PSMB2: variants seen among roughly 807,000 people sequenced by gnomAD.
The protein encoded by PSMB2 is proteasome subunit beta type-2.
In PSMB2, 13 loss-of-function variants were observed where a neutral mutation model predicts 25.7. That is an observed-to-expected ratio of 0.51 (90% CI 0.33 to 0.80). The LOEUF is 0.80. Among genes scored for constraint, PSMB2 ranks in the 30% least tolerant of loss-of-function variants. PSMB2 has a pLI of 0.02. For synonymous variants in PSMB2, 87 were observed against 96.2 expected (o/e 0.90, Z 0.56); for missense variants, 202 against 259.0 (o/e 0.78, Z 1.51).
intron 3 of PSMB2, among the ~76,000 whole-genome samples, chr1:35,627,243 A>G: frequency 7.4e-6 from 1 of 135,438 alleles, no homozygotes; most frequent in Non-Finnish European, 1.5e-5. Context: ...TAGGTGACAG[A>G]GCGAGACCCT....
chr1:35,626,899 AT>A (rs896884857), intron 3 of PSMB2, among the ~76,000 whole-genome samples: 22 of 148,738 alleles, frequency 1.5e-4, no homozygotes, highest in African/African-American at 3.7e-4. Context: ...GAGGAACAGA[AT>A]TTTTTTTTTT....
In PSMB2 at chr1:35,600,101, C is replaced by T; in HGVS notation, c.*3166G>A. On this transcript the variant is annotated 3_prime_UTR_variant, in exon 6 of 6. Coordinates refer to ENST00000373237, the MANE Select transcript of PSMB2 (RefSeq NM_002794.5). ...CTTACTGCAGTAAGCTACGATCGTG[C>T]CACTGTACTCCAGCCTAGGTGATGG... 1 of 877,178 alleles carries T rather than the reference C, an allele frequency of 1.1e-6. No homozygotes were observed. Among genetic ancestry groups the T allele is most frequent in the Non-Finnish European group, 1.4e-6 (1 of 731,634 alleles). 54.3% of individuals were successfully genotyped at this position (877,178 alleles called of 1,614,324 possible). A position where few individuals can be genotyped will look rare whatever the true frequency, so the allele number is the denominator to read the frequency against.
chr1:35,639,205 G>T (rs779897010), intron 1 of PSMB2, among the ~76,000 whole-genome samples: 1 of 152,174 alleles, frequency 6.6e-6, no homozygotes, highest in Non-Finnish European at 1.5e-5. Context: ...AGTGAGCCGA[G>T]ATCGCGCCAT....
chr1:35,628,578 GAAAAAAAAAAAA>G (rs67766222), intron 3 of PSMB2, among the ~76,000 whole-genome samples: 1 of 32,942 alleles, frequency 3.0e-5, no homozygotes, highest in Non-Finnish European at 5.2e-5. Context: ...TTTCTTGGAA[GAAAAAAAAAAAA>G]AAAAAAATAT....
intron 5 of PSMB2, among the ~76,000 whole-genome samples, chr1:35,603,686 G>A (rs2148560601): frequency 6.6e-6 from 1 of 152,274 alleles, no homozygotes; most frequent in East Asian, 1.9e-4. Flanking sequence ...TTACCCATCA[G>A]TCTGGTAAAC....
Position 35,609,313 on chromosome 1 carries a change from G to T in PSMB2, c.381C>A (p.Ala127=). The change falls in exon 4 of 6, where the codon GCC becomes GCA. Residue 127 remains alanine, a synonymous_variant. Coordinates refer to ENST00000373237, the MANE Select transcript of PSMB2 (RefSeq NM_002794.5). Reference sequence around the variant, plus strand: ...CACCATAGCCGTGGGCTGCAAAAGGGGCCTTGGCCAAGGCTGCCAGGTAGT... The same window carrying T: ...CACCATAGCCGTGGGCTGCAAAAGGTGCCTTGGCCAAGGCTGCCAGGTAGT... ...YMDYLAALAK[A]PFAAHGYGAF... 1 of 1,613,402 alleles carries T rather than the reference G, an allele frequency of 6.2e-7. No individual in the cohort carries two copies. The highest frequency in any genetic ancestry group is 8.5e-7 in the Non-Finnish European group (1 of 1,179,648).
intron 1 of PSMB2, among the ~76,000 whole-genome samples, chr1:35,640,981 G>A (rs764474433): frequency 2.0e-5 from 3 of 152,040 alleles, no homozygotes; most frequent in Non-Finnish European, 4.4e-5. Flanking sequence ...TCCTGAGGTC[G>A]GGAGTTCGAG....
At chr1:35,628,594 AAAATATATATATATATATAT>A (rs1319216391) in intron 3 of PSMB2, among the ~76,000 whole-genome samples, 6 of 12,522 alleles carry the variant, frequency 4.8e-4, no homozygotes, top group East Asian at 9.7e-3. Context: ...AAAAAAAAAA[AAAATATATATATATATATAT>A]ATATATATAT....
chr1:35,609,128 CT>C (rs985902862), intron 4 of PSMB2, 117 bp downstream of exon 4: 1 of 1,012,408 alleles, frequency 9.9e-7, no homozygotes, highest in Non-Finnish European at 1.3e-6. Context: ...CCTGGTTATG[CT>C]TCTTAGGATC....
rs946433845 is a variant in PSMB2 at position 35,641,520 on chromosome 1, G to A, written c.-88C>T. On this transcript the variant is annotated 5_prime_UTR_variant, in exon 1 of 6. Transcript: ENST00000373237. ...CACCGGTGAGACAGCACCTCAGAGC[G>A]AAGATTGGCGCGACGCCTGCAGCAC... 8.9e-6 allele frequency: 14 copies of A among 1,576,406 alleles called. No individual in the cohort carries two copies. Among genetic ancestry groups the A allele is most frequent in the African/African-American group, 2.7e-5 (2 of 73,912 alleles).
intron 3 of PSMB2, among the ~76,000 whole-genome samples, chr1:35,623,000 T>G (rs1260531168): frequency 6.6e-6 from 1 of 152,194 alleles, no homozygotes; most frequent in African/African-American, 2.4e-5. Flanking sequence ...AAAGGGCAGC[T>G]GTCAGAATGC....
At chr1:35,605,082 A>T in intron 5 of PSMB2, 151 bp downstream of exon 5, 1 of 678,876 alleles carries the variant, frequency 1.5e-6, no homozygotes, top group Non-Finnish European at 2.6e-6. Context: ...TCCACACCAA[A>T]CTCTATCCCT....
chr1:35,611,552 G>A (rs1469133050), intron 3 of PSMB2, among the ~76,000 whole-genome samples: 1 of 152,024 alleles, frequency 6.6e-6, no homozygotes, highest in Admixed American at 6.6e-5. Context: ...GGCCGGGCAC[G>A]GTGGCTCATG....
intron 2 of PSMB2, among the ~76,000 whole-genome samples, chr1:35,633,570 C>G (rs1651161885): frequency 6.6e-6 from 1 of 152,212 alleles, no homozygotes; most frequent in South Asian, 2.1e-4. Flanking sequence ...ACTCTTCTCC[C>G]TCTCTCAGGA....
At position 35,636,986 on chromosome 1, in the gene PSMB2, G is replaced by A. The variant is rs115853941; in HGVS notation, c.92-554C>T. Among the ~76,000 whole-genome samples the A allele has an allele frequency of 7.1e-3, 1,077 of 152,080 alleles. 6 individuals carry two copies. Among genetic ancestry groups the A allele is most frequent in the Non-Finnish European group, 0.011 (760 of 67,980 alleles). On this transcript the variant is annotated intron_variant, in intron 1 of 5. Transcript: ENST00000373237. ...CAGCATATTGTGTAATGCCAATTTC[G>A]GTTGGAGAATATACATGAAAGCTAC...
chr1:35,629,134 T>TA (rs1651008856), intron 3 of PSMB2, among the ~76,000 whole-genome samples: 1 of 152,340 alleles, frequency 6.6e-6, no homozygotes, highest in East Asian at 1.9e-4. Context: ...TAGATTAAAT[T>TA]ATTAAGCAAA....
intron 1 of PSMB2, among the ~76,000 whole-genome samples, chr1:35,640,271 G>A (rs924442050): frequency 7.2e-5 from 11 of 152,030 alleles, no homozygotes. Context: ...GGGCACCTAC[G>A]TACACTTAGT....
At chr1:35,628,596 A>ATAT (rs1553125166) in intron 3 of PSMB2, among the ~76,000 whole-genome samples, 10 of 25,102 alleles carry the variant, frequency 4.0e-4, no homozygotes, top group African/African-American at 4.5e-4. Context: ...AAAAAAAAAA[A>ATAT]ATATATATAT....
At position 35,601,455 on chromosome 1, in the gene PSMB2, T is replaced by C. The variant is rs367904651; in HGVS notation, c.*1812A>G. 1.0e-5 allele frequency: 10 copies of C among 985,296 alleles called. No homozygotes were observed. Among genetic ancestry groups the C allele is most frequent in the African/African-American group, 5.2e-5 (3 of 57,226 alleles). 61.0% of individuals were successfully genotyped at this position (985,296 alleles called of 1,614,324 possible). ...AAACCTATGCATATTCATGGTGGTG[T>C]TGGAGGTTGAATCAACTGTAGTGAC... On this transcript the variant is annotated 3_prime_UTR_variant, in exon 6 of 6. Coordinates refer to ENST00000373237, the MANE Select transcript of PSMB2 (RefSeq NM_002794.5).
Sources: gnomAD v4.1 joint callset for allele counts (sites outside exome capture counted in the v4.1 genomes callset) on GRCh38, gnomAD v4.1.1 for gene constraint, MANE v1.5 for transcripts, NCBI Gene and HGNC (gene_info 2026-07-23, HGNC 2026-07-21) for gene names.